Variants in BMPR1A observed in about 807,000 individuals in gnomAD.
The protein encoded by BMPR1A is bone morphogenetic protein receptor type-1A.
A neutral mutation model predicts 66.0 loss-of-function variants in BMPR1A; 7 were observed. The ratio of observed to expected loss-of-function variants is 0.11; its 90% CI spans 0.06 to 0.20. The LOEUF (loss-of-function observed/expected upper bound fraction) is 0.20, where lower values mean the gene tolerates loss of function less well. Among genes scored for constraint, BMPR1A ranks in the 10% least tolerant of loss-of-function variants. BMPR1A has a pLI of 1.00. For missense variants in BMPR1A, 408 were observed against 669.1 expected (o/e 0.61, Z 4.31); for synonymous variants, 200 against 229.7 (o/e 0.87, Z 1.17).
intron 2 of BMPR1A, among the ~76,000 whole-genome samples, chr10:86,852,830 G>T (rs962416483): frequency 2.6e-5 from 4 of 152,110 alleles, no homozygotes; most frequent in African/African-American, 9.7e-5. Context: ...GGAGGGTATT[G>T]TTATTATGTG....
At chr10:86,791,402 C>T (rs7095429) in intron 1 of BMPR1A, among the ~76,000 whole-genome samples, 15,801 of 151,588 alleles carry the variant, frequency 0.1, 1,781 homozygotes, top group African/African-American at 0.28. Context: ...TTAGTAGAGA[C>T]GGGGTTTCAC....
intron 3 of BMPR1A, among the ~76,000 whole-genome samples, chr10:86,885,108 G>C (rs1034186937): frequency 6.6e-6 from 1 of 152,090 alleles, no homozygotes; most frequent in Non-Finnish European, 1.5e-5. Flanking sequence ...AACTTTGTTT[G>C]GTGATGGAAA....
At chr10:86,836,728 T>C (rs117926349) in intron 1 of BMPR1A, among the ~76,000 whole-genome samples, 4,287 of 152,176 alleles carry the variant, frequency 0.028, 90 homozygotes, top group Non-Finnish European at 0.041. Context: ...AGCCCAGGAA[T>C]TCGAGACCAG....
intron 1 of BMPR1A, among the ~76,000 whole-genome samples, chr10:86,786,674 T>G (rs1255279683): frequency 2.0e-5 from 3 of 152,256 alleles, no homozygotes; most frequent in Non-Finnish European, 4.4e-5. Flanking sequence ...TGAAACCCTC[T>G]TTGTTTTAAA....
At chr10:86,860,769 CAAAA>C (rs772036957) in intron 2 of BMPR1A, among the ~76,000 whole-genome samples, 1 of 79,706 alleles carries the variant, frequency 1.3e-5, no homozygotes. Flanking sequence ...GACTCCATAT[CAAAA>C]AAAAAAAAAA....
rs1006333593 is a variant in BMPR1A, at chr10:86,925,280, C to T, written c.*1561C>T. ...ATTCTGAGCAAACAATTCATGAGTA[C>T]ATCAAGTGAGATAGTTTTATTTGAT... On this transcript the variant is annotated 3_prime_UTR_variant, in exon 13 of 13. Coordinates refer to ENST00000372037, the MANE Select transcript of BMPR1A (RefSeq NM_004329.3). 5 of 220,164 alleles carry T rather than the reference C, an allele frequency of 2.3e-5. No individual in the cohort carries two copies. The highest frequency in any genetic ancestry group is 1.1e-4 in the African/African-American group (5 of 44,686). 13.6% of individuals were successfully genotyped at this position (220,164 alleles called of 1,614,324 possible). A position where few individuals can be genotyped will look rare whatever the true frequency, so the allele number is the denominator to read the frequency against.
At chr10:86,866,399 CTTTTTTTT>C (rs1048293127) in intron 2 of BMPR1A, among the ~76,000 whole-genome samples, 5 of 69,476 alleles carry the variant, frequency 7.2e-5, no homozygotes, top group African/African-American at 2.7e-4. Flanking sequence ...AAGTTTCTTT[CTTTTTTTT>C]TTTTTTTTTT....
chr10:86,757,074 C>G (rs1431952251), intron 1 of BMPR1A, among the ~76,000 whole-genome samples, 155 bp downstream of exon 1: 1 of 150,962 alleles, frequency 6.6e-6, no homozygotes, highest in Non-Finnish European at 1.5e-5. Flanking sequence ...TCGGCGCGCG[C>G]TGGGCCGGGA....
chr10:86,762,970 C>T (rs1841092835), intron 1 of BMPR1A, among the ~76,000 whole-genome samples: 2 of 152,116 alleles, frequency 1.3e-5, no homozygotes, highest in African/African-American at 4.8e-5. Context: ...GATCTTGGCT[C>T]ACTGCAACCT....
At chr10:86,775,456 T>C (rs910575800) in intron 1 of BMPR1A, among the ~76,000 whole-genome samples, 3 of 152,214 alleles carry the variant, frequency 2.0e-5, no homozygotes, top group African/African-American at 7.2e-5. Flanking sequence ...ACAAGGCTGA[T>C]GGTTTCATGA....
chr10:86,800,197 G>A (rs1287317404), intron 1 of BMPR1A, among the ~76,000 whole-genome samples: 1 of 152,114 alleles, frequency 6.6e-6, no homozygotes, highest in Non-Finnish European at 1.5e-5. Context: ...AAAATGGTAA[G>A]ATGGGCAGCA....
chr10:86,765,115 A>G (rs1841141123), intron 1 of BMPR1A, among the ~76,000 whole-genome samples: 2 of 152,148 alleles, frequency 1.3e-5, no homozygotes, highest in Admixed American at 1.3e-4. Context: ...AAAGTTTAAA[A>G]TTACACGTCA....
chr10:86,799,522 T>G (rs1202558277), intron 1 of BMPR1A, among the ~76,000 whole-genome samples: 1 of 143,748 alleles, frequency 7.0e-6, no homozygotes, highest in Non-Finnish European at 1.5e-5. Flanking sequence ...TTTCTTTTCT[T>G]TTCTTTTCTT....
At chr10:86,879,983 G>A (rs1283006689) in intron 3 of BMPR1A, among the ~76,000 whole-genome samples, 1 of 152,174 alleles carries the variant, frequency 6.6e-6, no homozygotes, top group East Asian at 1.9e-4. Context: ...CTTGGCTAGT[G>A]TTTCTGTCTT....
intron 2 of BMPR1A, among the ~76,000 whole-genome samples, chr10:86,868,316 T>C (rs953310324): frequency 6.6e-6 from 1 of 152,256 alleles, no homozygotes; most frequent in Non-Finnish European, 1.5e-5. Flanking sequence ...TTGCGGGATA[T>C]TGTTTTCTAC....
chr10:86,860,483 A>T (rs1842698817), intron 2 of BMPR1A, among the ~76,000 whole-genome samples: 1 of 152,160 alleles, frequency 6.6e-6, no homozygotes. Context: ...AAAAATGCTA[A>T]ACGGGGCTGG....
chr10:86,890,262 A>G (rs753059928), intron 4 of BMPR1A, 38 bp downstream of exon 4: 2 of 1,609,238 alleles, frequency 1.2e-6, no homozygotes, highest in South Asian at 1.1e-5. Flanking sequence ...GAGTTAGGAG[A>G]ATAGAGTTGC....
intron 1 of BMPR1A, among the ~76,000 whole-genome samples, chr10:86,811,335 G>A (rs1010394344): frequency 6.6e-6 from 1 of 152,078 alleles, no homozygotes; most frequent in African/African-American, 2.4e-5. Context: ...CACCACTCCC[G>A]GCCAGAAGCA....
chr10:86,842,201 G>A (rs542518651), intron 2 of BMPR1A, among the ~76,000 whole-genome samples: 34 of 152,196 alleles, frequency 2.2e-4, no homozygotes, highest in Non-Finnish European at 4.1e-4. Context: ...GGGTAGTGTC[G>A]GAATTTAATT....
Sources: allele counts gnomAD v4.1 joint callset (sites outside exome capture counted in the v4.1 genomes callset), GRCh38; gene constraint gnomAD v4.1.1; transcripts MANE v1.5; gene names NCBI Gene and HGNC (gene_info 2026-07-23, HGNC 2026-07-21).